Variants in MYH1 observed in about 807,000 individuals in gnomAD.
The protein encoded by MYH1 is myosin-1.
A neutral mutation model predicts 225.6 loss-of-function variants in MYH1; 214 were observed. The observed-to-expected ratio is 0.95, with a 90% CI of 0.85 to 1.06. The LOEUF (loss-of-function observed/expected upper bound fraction) is 1.06. Ranked by LOEUF, MYH1 falls within the 50% of genes least tolerant of loss-of-function variation. MYH1 has a pLI of 0.00. For missense variants in MYH1, 2,098 were observed against 2,344.2 expected, an observed-to-expected ratio of 0.89 and a Z score of 2.17; for synonymous variants, 774 against 842.3, an observed-to-expected ratio of 0.92 and a Z score of 1.40.
Position 10,512,518 on chromosome 17 carries a change from G to A in MYH1, c.1037C>T (p.Ser346Leu). The A allele has an allele frequency of 6.2e-7, 1 of 1,614,084 alleles. No homozygotes were observed. Among genetic ancestry groups the A allele is most frequent in the Non-Finnish European group, 8.5e-7 (1 of 1,179,980 alleles). The change falls in exon 12 of 40, where the codon TCA becomes TTA. Residue 346 changes from serine (S) to leucine (L), a missense_variant. By Grantham distance (145) the Ser-to-Leu change is moderately radical (BLOSUM62 -2). Transcript: ENST00000226207. ...DSAIEILGFT[S>L]DERVSIYKLT... ...CTTATAGATGGACACTCTTTCATCTGAAGTAAAGCCCAGAATTTCAATGGC... is the reference window on the plus strand; with the variant it reads ...CTTATAGATGGACACTCTTTCATCTAAAGTAAAGCCCAGAATTTCAATGGC...
chr17:10,492,855 T>C (rs1267798587), intron 39 of MYH1, among the ~76,000 whole-genome samples: 2 of 134,464 alleles, frequency 1.5e-5, no homozygotes, highest in East Asian at 4.3e-4. Context: ...TGTTTTTTTT[T>C]TTGTTTGTTT....
chr17:10,502,860 T>A lies in MYH1; in HGVS notation c.2989A>T (p.Thr997Ser). The A allele has an allele frequency of 6.2e-7, 1 of 1,614,046 alleles. No homozygotes were observed. Among genetic ancestry groups the A allele is most frequent in the South Asian group, 1.1e-5 (1 of 91,072 alleles). The change falls in exon 24 of 40, where the codon ACC becomes TCC. Residue 997 changes from threonine (T) to serine (S), a missense_variant. Coordinates refer to ENST00000226207, the MANE Select transcript of MYH1 (RefSeq NM_005963.4). ...AGLDETIAKL[T>S]KEKKALQEAH... The stretch of plus-strand genomic sequence containing the variant: ...TCCTGGAGAGCCTTCTTCTCCTTGG[T>A]CAGCTTAGCAATGGTTTCATCCAGA...
Position 10,506,048 on chromosome 17 carries a change from C to A in MYH1, c.2020G>T (p.Val674Leu). ...GTTTCATTGGGGATGATGCACCGCA[C>A]AAAGTGGGGGTGAGTGCTCCTCAAG... The part of the protein sequence containing the change: ...TNLRSTHPHF[V>L]RCIIPNETKT... The change falls in exon 18 of 40, where the codon GTG becomes TTG. Residue 674 changes from valine to leucine, a missense_variant. Transcript: ENST00000226207. The A allele has an allele frequency of 6.2e-7, 1 of 1,614,176 alleles. No homozygotes were observed. Among genetic ancestry groups the A allele is most frequent in the Non-Finnish European group, 8.5e-7 (1 of 1,180,024 alleles).
At position 10,513,681 on chromosome 17, in the gene MYH1, G is replaced by T. The variant is rs188028622; in HGVS notation, c.750C>A (p.Phe250Leu). The change falls in exon 9 of 40, where the codon TTC (phenylalanine) becomes TTA (leucine). Residue 250 changes from phenylalanine to leucine, a missense_variant. Transcript: ENST00000226207. ...RNDNSSRFGK[F>L]IRIHFGTTGK... The stretch of plus-strand genomic sequence containing the variant: ...CTGTGGTACCGAAGTGGATCCTGAT[G>T]AATTTACCCTTGTAAGTAAAAAAAA... 34 of 1,614,078 alleles carry T rather than the reference G, an allele frequency of 2.1e-5. No individual in the cohort carries two copies. In the East Asian group the frequency reaches 7.6e-4, roughly 36 times the overall value.
intron 19 of MYH1, 49 bp downstream of exon 19, chr17:10,505,762 TA>T (rs1298429565): frequency 6.2e-7 from 1 of 1,607,234 alleles, no homozygotes; most frequent in Non-Finnish European, 8.5e-7. Context: ...GAAAAATGTT[TA>T]AAAAGTAATA....
chr17:10,501,066 G>A, intron 27 of MYH1, 44 bp downstream of exon 27: 3 of 1,603,366 alleles, frequency 1.9e-6, no homozygotes, highest in Non-Finnish European at 2.6e-6. Context: ...GTGCTAAAGG[G>A]AAAAACAAAA....
Position 10,503,037 on chromosome 17 carries a change from A to G in MYH1, c.2903T>C (p.Val968Ala), listed in dbSNP as rs1329471166. ...TTCTGTGGCATGTTTCTCCTTCTCA[A>G]CCTTGGCCAGTGTCAGCTCAAGGTC... ...IDDLELTLAK[V>A]EKEKHATENK... Residue 968 changes from valine (V) to alanine (A), a missense_variant, in exon 23 of 40, where the codon GTT becomes GCT. Physicochemically the swap from Val to Ala is moderately conservative, Grantham distance 64 (BLOSUM62 0). Coordinates refer to ENST00000226207, the MANE Select transcript of MYH1 (RefSeq NM_005963.4). The G allele has an allele frequency of 1.3e-5, 21 of 1,613,448 alleles. No individual in the cohort carries two copies. The highest frequency in any genetic ancestry group is 6.7e-5 in the Admixed American group (4 of 59,964).
Position 10,500,763 on chromosome 17 carries a change from A to T in MYH1, c.3739-11T>A. On this transcript the variant is annotated splice_polypyrimidine_tract_variant and intron_variant, in intron 27 of 39. Transcript: ENST00000226207. The stretch of plus-strand genomic sequence containing the variant: ...CTTTTCAAGGTTTCCCTGCATTCAA[A>T]AAGTGGTAGAAGGCATCTCAAGTAA... 1 of 1,614,102 alleles carries T rather than the reference A, an allele frequency of 6.2e-7. No individual in the cohort carries two copies. The highest frequency in any genetic ancestry group is 1.1e-5 in the South Asian group (1 of 91,078).
rs749613856 is a variant in MYH1, at chr17:10,492,534, C to T, written c.5702G>A (p.Arg1901His). The part of the protein sequence containing the change: ...EQSNVNLSKF[R>H]RIQHELEEAE... ...CTCCTCCAGCTCGTGCTGGATCCTG[C>T]GGAATTTGGAGAGGTTGACGTTGGA... is the stretch of plus-strand genomic sequence containing the variant. Residue 1901 changes from arginine to histidine, a missense_variant, in exon 40 of 40, where the codon CGC (arginine) becomes CAC (histidine). Coordinates refer to ENST00000226207, the MANE Select transcript of MYH1 (RefSeq NM_005963.4). The T allele has an allele frequency of 1.7e-5, 27 of 1,613,744 alleles. No homozygotes were observed. Among genetic ancestry groups the T allele is most frequent in the Admixed American group, 1.0e-4 (6 of 59,954 alleles).
intron 39 of MYH1, among the ~76,000 whole-genome samples, chr17:10,492,874 T>G (rs946157860): frequency 2.6e-5 from 4 of 151,332 alleles, no homozygotes; most frequent in Middle Eastern, 3.4e-3. Context: ...TTGTTTGTTT[T>G]TTTCAGAATC....
chr17:10,503,347 C>G (rs539233399), intron 22 of MYH1, 99 bp from the exon 23 acceptor site: 49 of 1,489,964 alleles, frequency 3.3e-5, no homozygotes, highest in Middle Eastern at 1.8e-4. Flanking sequence ...TTGTTTTAAG[C>G]CTTCAGGTTA....
At chr17:10,512,039 G>A in intron 13 of MYH1, 35 bp downstream of exon 13, 1 of 1,614,008 alleles carries the variant, frequency 6.2e-7, no homozygotes, top group Non-Finnish European at 8.5e-7. Flanking sequence ...ATGAAGGCCT[G>A]GGATGTGTGT....
intron 28 of MYH1, among the ~76,000 whole-genome samples, chr17:10,499,392 C>A (rs998048411): frequency 2.6e-5 from 4 of 152,286 alleles, no homozygotes; most frequent in African/African-American, 9.6e-5. Flanking sequence ...ATCAAGCCAA[C>A]AAAATATTCT....
At chr17:10,505,601 A>T in intron 19 of MYH1, 90 bp from the exon 20 acceptor site, 5 of 1,483,060 alleles carry the variant, frequency 3.4e-6, no homozygotes, top group Non-Finnish European at 4.6e-6. Flanking sequence ...GCCACTGGGT[A>T]ATCTGAAATA....
At chr17:10,501,955 A>G in intron 24 of MYH1, 44 bp from the exon 25 acceptor site, 6 of 1,554,930 alleles carry the variant, frequency 3.9e-6, no homozygotes, top group Non-Finnish European at 5.2e-6. Flanking sequence ...GAATGGTAGC[A>G]CCTTTTGTCC....
intron 6 of MYH1, among the ~76,000 whole-genome samples, chr17:10,514,378 G>A (rs2142280048): frequency 6.6e-6 from 1 of 152,322 alleles, no homozygotes; most frequent in Non-Finnish European, 1.5e-5. Context: ...CTGGGCTTGA[G>A]GGGTCTGAAA....
In MYH1 at chr17:10,512,926, G is replaced by A. The variant is rs1348984943; in HGVS notation, c.845C>T (p.Ala282Val). Reference sequence around the variant, plus strand: ...ATAAAAAATATGATAGCTTCTTTCAGCCTTTAGCTGGAAAGTAACTCTAGA... The same window carrying A: ...ATAAAAAATATGATAGCTTCTTTCAACCTTTAGCTGGAAAGTAACTCTAGA... Reference protein sequence around the residue: ...EKSRVTFQLKAERSYHIFYQI... With the variant: ...EKSRVTFQLKVERSYHIFYQI... The change falls in exon 10 of 40, where the codon GCT (alanine) becomes GTT (valine). Residue 282 changes from alanine to valine, a missense_variant. Coordinates refer to ENST00000226207, the MANE Select transcript of MYH1 (RefSeq NM_005963.4). 6.2e-7 allele frequency: 1 copy of A among 1,613,732 alleles called. No homozygotes were observed. The highest frequency in any genetic ancestry group is 8.5e-7 in the Non-Finnish European group (1 of 1,179,728).
At chr17:10,509,958 A>G (rs893141822) in intron 14 of MYH1, among the ~76,000 whole-genome samples, 5 of 152,208 alleles carry the variant, frequency 3.3e-5, no homozygotes, top group African/African-American at 1.2e-4. Context: ...GTTCTCACAT[A>G]TAAGTGGGAG....
Position 10,498,279 on chromosome 17 carries a change from A to G in MYH1, c.4181+347T>C, listed in dbSNP as rs146308453. Among the ~76,000 whole-genome samples the G allele has an allele frequency of 1.2e-4, 18 of 152,358 alleles. No individual in the cohort carries two copies. In the East Asian group the frequency reaches 3.5e-3, roughly 29 times the overall value. ...ACATAATTTTAATCCCCAGAGGGAGAGTCTGTACTGTACTAATCTTTGTAT... is the reference window on the plus strand; with the variant it reads ...ACATAATTTTAATCCCCAGAGGGAGGGTCTGTACTGTACTAATCTTTGTAT... On this transcript the variant is annotated intron_variant, in intron 30 of 39. Transcript: ENST00000226207.
Sources: gnomAD v4.1 joint callset for allele counts (sites outside exome capture counted in the v4.1 genomes callset) on GRCh38, gnomAD v4.1.1 for gene constraint, MANE v1.5 for transcripts, NCBI Gene and HGNC (gene_info 2026-07-23, HGNC 2026-07-21) for gene names.